The following ARHGAP26 variants were observed in gnomAD, a reference collection of about 807,000 sequenced individuals.
ARHGAP26 encodes the protein Rho GTPase activating protein 26.
In ARHGAP26, 38 loss-of-function variants were observed where a neutral mutation model predicts 104.8. The ratio of observed to expected loss-of-function variants is 0.36; its 90% CI spans 0.28 to 0.48. The LOEUF (loss-of-function observed/expected upper bound fraction) is 0.48. Ranked by LOEUF, ARHGAP26 falls within the 20% of genes least tolerant of loss-of-function variation. ARHGAP26 has a pLI of 0.99. For missense variants in ARHGAP26, 704 were observed against 947.9 expected, an observed-to-expected ratio of 0.74 and a Z score of 3.38; for synonymous variants, 341 against 340.0, an observed-to-expected ratio of 1.00 and a Z score of -0.03.
rs767784597 is a variant in ARHGAP26 at position 143,037,235 on chromosome 5, A to G, written c.1184A>G (p.Lys395Arg). ...LDSIGFSIIRKCIHAVETRGI... is the reference protein window; with the variant it reads ...LDSIGFSIIRRCIHAVETRGI... ...AGCATTGGCTTCAGCATAATCAGGA[A>G]ATGCATCCATGCTGTGGAAACCAGA... Residue 395 changes from lysine (K) to arginine (R), a missense_variant, in exon 13 of 23, where the codon AAA (lysine) becomes AGA (arginine). By Grantham distance (26) the Lys-to-Arg change is conservative. Transcript: ENST00000645722. 3 of 1,604,472 alleles carry G rather than the reference A, an allele frequency of 1.9e-6. No individual in the cohort carries two copies. In the South Asian group the frequency reaches 3.3e-5, roughly 18 times the overall value.
chr5:143,060,847 G>A (rs759516655), intron 17 of ARHGAP26, among the ~76,000 whole-genome samples: 16 of 152,152 alleles, frequency 1.1e-4, no homozygotes, highest in Non-Finnish European at 1.6e-4. Context: ...TGGGCCATAT[G>A]CAAGGATTTT....
intron 11 of ARHGAP26, among the ~76,000 whole-genome samples, chr5:143,007,143 C>T (rs1019750446): frequency 3.4e-5 from 5 of 147,518 alleles, no homozygotes; most frequent in Non-Finnish European, 5.9e-5. Context: ...TGCAGTGAGC[C>T]GAGATCGCAC....
chr5:143,099,723 A>G (rs1246206994), intron 17 of ARHGAP26, among the ~76,000 whole-genome samples: 1 of 152,206 alleles, frequency 6.6e-6, no homozygotes, highest in African/African-American at 2.4e-5. Context: ...GAAGTAACCC[A>G]CCATTAGCTA....
intron 11 of ARHGAP26, among the ~76,000 whole-genome samples, chr5:142,941,873 A>G (rs907520968): frequency 2.2e-4 from 34 of 152,186 alleles, no homozygotes; most frequent in African/African-American, 7.5e-4. Flanking sequence ...TATGACTTAT[A>G]TATGTTGGTG....
chr5:143,152,712 A>G (rs76010624), intron 20 of ARHGAP26, among the ~76,000 whole-genome samples: 4,293 of 152,334 alleles, frequency 0.028, 271 homozygotes, highest in South Asian at 0.22. Context: ...CCAGGCCACA[A>G]TGCCTCACAG....
At chr5:142,781,610 C>G (rs913082591) in intron 1 of ARHGAP26, among the ~76,000 whole-genome samples, 1 of 152,154 alleles carries the variant, frequency 6.6e-6, no homozygotes, top group East Asian at 1.9e-4. Context: ...GGGCAGGAGG[C>G]TGTGTGCCAG....
At chr5:143,073,821 G>A (rs1315466003) in intron 17 of ARHGAP26, among the ~76,000 whole-genome samples, 1 of 152,138 alleles carries the variant, frequency 6.6e-6, no homozygotes, top group Non-Finnish European at 1.5e-5. Flanking sequence ...TTAAAAAGTT[G>A]TAATTATTTT....
intron 11 of ARHGAP26, among the ~76,000 whole-genome samples, chr5:142,939,168 A>G (rs557886796): frequency 6.6e-6 from 1 of 152,326 alleles, no homozygotes; most frequent in South Asian, 2.1e-4. Context: ...AAAGGCTGGT[A>G]ATTGGTTGAT....
intron 20 of ARHGAP26, among the ~76,000 whole-genome samples, chr5:143,194,732 T>C (rs1301690063): frequency 6.6e-6 from 1 of 152,232 alleles, no homozygotes; most frequent in Non-Finnish European, 1.5e-5. Flanking sequence ...GTGAAACTCT[T>C]TTTCTCCAGC....
intron 18 of ARHGAP26, among the ~76,000 whole-genome samples, chr5:143,127,233 C>A (rs1796824575): frequency 6.6e-6 from 1 of 152,044 alleles, no homozygotes; most frequent in Non-Finnish European, 1.5e-5. Flanking sequence ...CTATTAAATT[C>A]CAACACATAA....
intron 20 of ARHGAP26, among the ~76,000 whole-genome samples, chr5:143,176,541 A>C (rs1321945282): frequency 6.6e-6 from 1 of 152,206 alleles, no homozygotes; most frequent in East Asian, 1.9e-4. Flanking sequence ...ATATGCATTG[A>C]CATAGAAGTC....
chr5:142,889,249 C>T (rs1189026846), intron 5 of ARHGAP26, among the ~76,000 whole-genome samples: 2 of 152,134 alleles, frequency 1.3e-5, no homozygotes, highest in South Asian at 2.1e-4. Context: ...GGCCATACAC[C>T]GTTCTGAGCA....
At chr5:142,786,746 A>G (rs1323317537) in intron 1 of ARHGAP26, among the ~76,000 whole-genome samples, 1 of 147,188 alleles carries the variant, frequency 6.8e-6, no homozygotes, top group Non-Finnish European at 1.5e-5. Flanking sequence ...TCCCGGGCTG[A>G]AGCAATTCTC....
chr5:143,078,187 G>A (rs982902519), intron 17 of ARHGAP26, among the ~76,000 whole-genome samples: 92 of 152,292 alleles, frequency 6.0e-4, no homozygotes, highest in African/African-American at 2.1e-3. Context: ...AAAAAATGAA[G>A]TTTCATTGCA....
At chr5:142,874,709 C>T (rs1225958761) in intron 2 of ARHGAP26, among the ~76,000 whole-genome samples, 1 of 152,058 alleles carries the variant, frequency 6.6e-6, no homozygotes, top group African/African-American at 2.4e-5. Flanking sequence ...GCTCTGGTGC[C>T]AAAGAAAAGG....
intron 11 of ARHGAP26, among the ~76,000 whole-genome samples, chr5:142,933,933 A>G (rs544074788): frequency 1.3e-5 from 2 of 152,270 alleles, no homozygotes; most frequent in Non-Finnish European, 2.9e-5. Flanking sequence ...CCTTCGAAAA[A>G]TTCTCAGTTC....
At chr5:142,773,000 T>C in intron 1 of ARHGAP26, 1 of 472,608 alleles carries the variant, frequency 2.1e-6, no homozygotes, top group South Asian at 1.6e-5. Context: ...GAAAGACTGA[T>C]GGGGATCTCG....
intron 18 of ARHGAP26, among the ~76,000 whole-genome samples, chr5:143,128,846 T>G (rs1199520442): frequency 6.6e-6 from 1 of 152,230 alleles, no homozygotes; most frequent in African/African-American, 2.4e-5. Context: ...CCTCTGCTGT[T>G]GATTTATTGT....
chr5:143,071,941 G>A (rs1345797895), intron 17 of ARHGAP26, among the ~76,000 whole-genome samples: 2 of 151,984 alleles, frequency 1.3e-5, no homozygotes, highest in African/African-American at 4.8e-5. Flanking sequence ...TGATGTCAAA[G>A]TCCCATTGTT....
Sources: allele counts gnomAD v4.1 joint callset (sites outside exome capture counted in the v4.1 genomes callset), GRCh38; gene constraint gnomAD v4.1.1; transcripts MANE v1.5; gene names NCBI Gene and HGNC (gene_info 2026-07-23, HGNC 2026-07-21).